FSHR: variants seen among roughly 807,000 people sequenced by gnomAD.
The protein encoded by FSHR is follicle stimulating hormone receptor, also known as follicle-stimulating hormone receptor.
FSHR carries 46 observed loss-of-function variants against 52.1 expected under a neutral mutation model. The ratio of observed to expected loss-of-function variants is 0.88; its 90% confidence interval spans 0.70 to 1.13. The LOEUF is 1.13. Among genes scored for constraint, FSHR ranks in the 50% most tolerant of loss-of-function variants. The pLI is 0.00. For missense variants in FSHR, 964 were observed against 834.6 expected (o/e 1.16, Z -1.91); for synonymous variants, 399 against 309.6 (o/e 1.29, Z -3.03).
At chr2:49,092,662 A>G (rs1670654686) in intron 1 of FSHR, among the ~76,000 whole-genome samples, 1 of 151,810 alleles carries the variant, frequency 6.6e-6, no homozygotes, top group South Asian at 2.1e-4. Context: ...TTATTTTATT[A>G]TTTTATTTTT....
chr2:49,104,152 C>G (rs866550956), intron 1 of FSHR, among the ~76,000 whole-genome samples: 4 of 152,124 alleles, frequency 2.6e-5, no homozygotes, highest in South Asian at 2.1e-4. Flanking sequence ...TTAATCTTTG[C>G]GAAATGCTGA....
chr2:48,990,568 T>G lies in FSHR; in HGVS notation c.444A>C (p.Leu148Phe). The stretch of plus-strand genomic sequence containing the variant: ...AGTCACTCAAGGAAAAAACTTACAG[T>G]AAAACTTTTTGGAGAGAATGAATCT... ...VHKIHSLQKV[L>F]LDIQDNINIH... Residue 148 changes from leucine (L) to phenylalanine (F), a missense_variant and splice_region_variant, in exon 5 of 10, where the codon TTA (leucine) becomes TTC (phenylalanine). Transcript: ENST00000406846. 1 of 1,605,876 alleles carries G rather than the reference T, an allele frequency of 6.2e-7. No homozygotes were observed. Among genetic ancestry groups the G allele is most frequent in the Non-Finnish European group, 8.5e-7 (1 of 1,172,528 alleles).
chr2:49,028,559 C>A (rs1667988306), intron 2 of FSHR, among the ~76,000 whole-genome samples: 1 of 152,210 alleles, frequency 6.6e-6, no homozygotes, highest in South Asian at 2.1e-4. Context: ...AGATTGCTAA[C>A]TGTCCTCAAA....
intron 1 of FSHR, among the ~76,000 whole-genome samples, chr2:49,073,227 A>G (rs1170019800): frequency 6.6e-6 from 1 of 152,102 alleles, no homozygotes; most frequent in Non-Finnish European, 1.5e-5. Flanking sequence ...GGCAAGAGAA[A>G]GAAATAAAGG....
intron 1 of FSHR, among the ~76,000 whole-genome samples, chr2:49,136,800 C>T (rs1672504457): frequency 1.3e-5 from 2 of 152,034 alleles, no homozygotes; most frequent in African/African-American, 4.8e-5. Context: ...TGTAAAGCTT[C>T]TGACAAAACC....
chr2:49,048,560 C>G (rs1466141744), intron 2 of FSHR, among the ~76,000 whole-genome samples: 1 of 152,194 alleles, frequency 6.6e-6, no homozygotes, highest in African/African-American at 2.4e-5. Flanking sequence ...TTTAACTTTT[C>G]AAAGCATGCT....
At chr2:49,139,566 C>A (rs950829969) in intron 1 of FSHR, among the ~76,000 whole-genome samples, 5 of 151,390 alleles carry the variant, frequency 3.3e-5, no homozygotes, top group Non-Finnish European at 5.9e-5. Flanking sequence ...AAAGTGCCAG[C>A]CTTTAAAGGT....
At chr2:49,043,884 C>A (rs1184691172) in intron 2 of FSHR, among the ~76,000 whole-genome samples, 1 of 152,146 alleles carries the variant, frequency 6.6e-6, no homozygotes. Flanking sequence ...AGAACACTTT[C>A]CCCTCTCTTC....
intron 1 of FSHR, among the ~76,000 whole-genome samples, chr2:49,093,579 A>G (rs1390603868): frequency 6.6e-6 from 1 of 150,978 alleles, no homozygotes; most frequent in Non-Finnish European, 1.5e-5. Context: ...CAGCCTTTCT[A>G]AAACATTATA....
rs371780842 is a variant in FSHR at position 49,026,724 on chromosome 2, C to T, written c.225-6564G>A. Among the ~76,000 whole-genome samples the T allele has an allele frequency of 5.9e-4, 90 of 152,214 alleles. 1 individual carries two copies. The South Asian group carries it at 0.017, about 29-fold the overall frequency. On this transcript the variant is annotated intron_variant, in intron 2 of 9. Transcript: ENST00000406846. ...AAGGATGCCCGGTGCCCAACACAGC[C>T]GAGTAAACAGTGGGGCTTCAATACA...
At chr2:49,020,305 A>G (rs1460240720) in intron 2 of FSHR, 145 bp from the exon 3 acceptor site, 7 of 736,706 alleles carry the variant, frequency 9.5e-6, no homozygotes. Context: ...AGCTGTAGTA[A>G]TAAGGCAAAA....
intron 2 of FSHR, among the ~76,000 whole-genome samples, chr2:49,037,020 C>T (rs920632746): frequency 6.6e-6 from 1 of 152,118 alleles, no homozygotes; most frequent in Non-Finnish European, 1.5e-5. Flanking sequence ...AGCTTCAAAA[C>T]CCACTTGGGA....
At chr2:48,994,439 A>C (rs887823122) in intron 4 of FSHR, among the ~76,000 whole-genome samples, 1 of 152,154 alleles carries the variant, frequency 6.6e-6, no homozygotes, top group African/African-American at 2.4e-5. Context: ...CACTGCAAAA[A>C]ATGGCTAAAA....
intron 1 of FSHR, among the ~76,000 whole-genome samples, chr2:49,152,393 G>A (rs745537332): frequency 1.6e-4 from 25 of 151,966 alleles, no homozygotes; most frequent in Non-Finnish European, 2.6e-4. Flanking sequence ...TTATACCTTA[G>A]CATTACTTTT....
intron 4 of FSHR, among the ~76,000 whole-genome samples, chr2:49,002,590 G>A (rs765426863): frequency 4.4e-4 from 67 of 152,206 alleles, no homozygotes; most frequent in East Asian, 1.2e-3. Context: ...GGAAAAGCCC[G>A]TTATAATACC....
intron 2 of FSHR, among the ~76,000 whole-genome samples, chr2:49,067,929 G>T (rs1302390585): frequency 6.6e-6 from 1 of 151,706 alleles, no homozygotes; most frequent in Non-Finnish European, 1.5e-5. Flanking sequence ...AAAAGAAGAG[G>T]CTTTGGTTTA....
intron 2 of FSHR, among the ~76,000 whole-genome samples, chr2:49,040,511 T>C (rs1361458188): frequency 6.6e-6 from 1 of 152,238 alleles, no homozygotes; most frequent in Non-Finnish European, 1.5e-5. Context: ...GTCTGTTTTG[T>C]CAAGGTTGTC....
intron 1 of FSHR, among the ~76,000 whole-genome samples, chr2:49,094,094 G>T (rs1446778486): frequency 2.0e-5 from 3 of 151,594 alleles, no homozygotes; most frequent in African/African-American, 2.4e-5. Flanking sequence ...CCTTCTTTTG[G>T]ATTATTTAAA....
intron 8 of FSHR, among the ~76,000 whole-genome samples, chr2:48,981,261 T>C (rs896293806): frequency 1.3e-5 from 2 of 152,258 alleles, no homozygotes; most frequent in African/African-American, 4.8e-5. Flanking sequence ...TTTAATGTAT[T>C]GCCTGACTCC....
Sources: allele counts gnomAD v4.1 joint callset (sites outside exome capture counted in the v4.1 genomes callset), GRCh38; gene constraint gnomAD v4.1.1; transcripts MANE v1.5; gene names NCBI Gene and HGNC (gene_info 2026-07-23, HGNC 2026-07-21).